TPH1: variants seen among roughly 807,000 people sequenced by gnomAD.
TPH1 encodes the protein tryptophan 5-hydroxylase 1.
A neutral mutation model predicts 49.5 loss-of-function variants in TPH1; 37 were observed. The ratio of observed to expected loss-of-function variants is 0.75; its 90% confidence interval spans 0.58 to 0.98. The LOEUF (loss-of-function observed/expected upper bound fraction) is 0.98. Ranked by LOEUF, TPH1 falls within the 50% of genes least tolerant of loss-of-function variation. TPH1 has a pLI of 0.00. For missense variants in TPH1, 487 were observed against 523.6 expected (o/e 0.93, Z 0.68); for synonymous variants, 160 against 182.1 (o/e 0.88, Z 0.98).
In TPH1 at chr11:18,033,317, T is replaced by C; in HGVS notation, c.359A>G (p.Asn120Ser). ...TTCAGATCCATACATCAGAACTCTG[T>C]TGGCACAATGGTCCAGGTCAGAAAT... ...KKISDLDHCANRVLMYGSELD... is the reference protein window; with the variant it reads ...KKISDLDHCASRVLMYGSELD... The change falls in exon 4 of 11, where the codon AAC becomes AGC. Residue 120 changes from asparagine to serine, a missense_variant. Coordinates refer to ENST00000682019, the MANE Select transcript of TPH1 (RefSeq NM_004179.3). 1.9e-6 allele frequency: 3 copies of C among 1,614,104 alleles called. No homozygotes were observed. Among genetic ancestry groups the C allele is most frequent in the South Asian group, 1.1e-5 (1 of 91,080 alleles).
chr11:18,033,111 G>A (rs1450060852), intron 4 of TPH1, among the ~76,000 whole-genome samples, 163 bp downstream of exon 4: 1 of 152,070 alleles, frequency 6.6e-6, no homozygotes, highest in Non-Finnish European at 1.5e-5. Flanking sequence ...AAATTAGCTG[G>A]GTGTGGTTGT....
At chr11:18,039,397 T>C (rs990092691) in intron 2 of TPH1, among the ~76,000 whole-genome samples, 7 of 152,204 alleles carry the variant, frequency 4.6e-5, no homozygotes, top group African/African-American at 1.7e-4. Flanking sequence ...ATCACCCAGG[T>C]AATAACTGAC....
At chr11:18,037,055 A>G (rs1848053908) in intron 2 of TPH1, among the ~76,000 whole-genome samples, 1 of 152,078 alleles carries the variant, frequency 6.6e-6, no homozygotes, top group African/African-American at 2.4e-5. Context: ...ACTTAAATGA[A>G]TCTTAAAGAA....
intron 3 of TPH1, among the ~76,000 whole-genome samples, chr11:18,035,045 C>T (rs1049960880): frequency 1.3e-5 from 2 of 152,242 alleles, no homozygotes; most frequent in African/African-American, 2.4e-5. Flanking sequence ...ATAGGGTTTA[C>T]GCTCCTAGAC....
At position 18,026,392 on chromosome 11, in the gene TPH1, CCA is replaced by C. The variant is rs1491537313; in HGVS notation, c.803+96_803+97del. The C allele has an allele frequency of 1.1e-4, 100 of 914,798 alleles. No individual in the cohort carries two copies. In the East Asian group the frequency reaches 2.6e-3, roughly 23 times the overall value. The allele number at this position is 914,798 out of a possible 1,614,324, so 56.7% of individuals were successfully genotyped here. ...TGCTAATTTATTTAATCCTCGCACA[CCA>C]AAAAAAAAAAAAAAAAAAAAAAAGA... On this transcript the variant is annotated intron_variant, in intron 7 of 10. Transcript: ENST00000682019.
At chr11:18,026,753 G>A (rs1328488741) in intron 6 of TPH1, 128 bp from the exon 7 acceptor site, 4 of 1,132,182 alleles carry the variant, frequency 3.5e-6, no homozygotes, top group Non-Finnish European at 5.2e-6. Context: ...TTTATCATAT[G>A]CATATTAAGG....
Position 18,029,282 on chromosome 11 carries a change from G to C in TPH1, c.550C>G (p.Leu184Val). 6.2e-7 allele frequency: 1 copy of C among 1,614,068 alleles called. No homozygotes were observed. The highest frequency in any genetic ancestry group is 2.2e-5 in the East Asian group (1 of 44,860). ...TCTCTGCAAGCATGGGTTGGGTAGA[G>C]TTTGTTGAGCTCTTGGAATACGGTT... is the stretch of plus-strand genomic sequence containing the variant. Reference protein sequence around the residue: ...WGTVFQELNKLYPTHACREYL... With the variant: ...WGTVFQELNKVYPTHACREYL... The change falls in exon 6 of 11, where the codon CTC becomes GTC. Residue 184 changes from leucine to valine, a missense_variant. By Grantham distance (32) the Leu-to-Val change is conservative. Transcript: ENST00000682019.
chr11:18,025,674 A>G lies in TPH1; in HGVS notation c.831T>C (p.His277=). 1 of 1,614,042 alleles carries G rather than the reference A, an allele frequency of 6.2e-7. No individual in the cohort carries two copies. Among genetic ancestry groups the G allele is most frequent in the Admixed American group, 1.7e-5 (1 of 60,018 alleles). ...AACTAGGTTCAGCCAAAAGCGGGACATGACCTAAGAGTTCATGGCAGGTAT... is the reference window on the plus strand; with the variant it reads ...AACTAGGTTCAGCCAAAAGCGGGACGTGACCTAAGAGTTCATGGCAGGTAT... ...EPDTCHELLG[H]VPLLAEPSFA... is the part of the protein sequence containing the mutation. The change falls in exon 8 of 11, where the codon CAT becomes CAC. Residue 277 remains histidine, a synonymous_variant. Transcript: ENST00000682019.
chr11:18,031,035 A>T (rs557865878), intron 4 of TPH1, among the ~76,000 whole-genome samples: 2 of 152,310 alleles, frequency 1.3e-5, no homozygotes, highest in South Asian at 2.1e-4. Context: ...TCACAGAGTT[A>T]AACAACCATC....
rs1206186802 is a variant in TPH1, at chr11:18,040,074, T to A, written c.117+572A>T. Among the ~76,000 whole-genome samples, 7 of 150,398 alleles carry A rather than the reference T, an allele frequency of 4.7e-5. No individual in the cohort carries two copies. The South Asian group carries it at 1.5e-3, about 31-fold the overall frequency. On this transcript the variant is annotated intron_variant, in intron 2 of 10. Coordinates refer to ENST00000682019, the MANE Select transcript of TPH1 (RefSeq NM_004179.3). Reference sequence around the variant, plus strand: ...TGACTATATCATTAAATCTCAAGTATATAATTAATAATATATGATTATATA... The same window carrying A: ...TGACTATATCATTAAATCTCAAGTAAATAATTAATAATATATGATTATATA...
At chr11:18,038,080 A>T (rs1310852604) in intron 2 of TPH1, among the ~76,000 whole-genome samples, 1 of 152,356 alleles carries the variant, frequency 6.6e-6, no homozygotes, top group East Asian at 1.9e-4. Context: ...AGACGAGTGG[A>T]AAAGAAGTTG....
intron 2 of TPH1, among the ~76,000 whole-genome samples, chr11:18,039,154 A>T (rs1848074768): frequency 6.6e-6 from 1 of 152,208 alleles, no homozygotes. Context: ...GACTATCTAT[A>T]TTTAAGATTT....
At position 18,046,131 on chromosome 11, in the gene TPH1, C is replaced by G. The variant is rs1162790417; in HGVS notation, c.-27+110G>C. ...CCTCCCAAATCTGACTCCGCAAGAC[C>G]ACCAATTTACCTCCCGGGAGGGTGA... is the stretch of plus-strand genomic sequence containing the variant. On this transcript the variant is annotated intron_variant, in intron 1 of 10. Coordinates refer to ENST00000682019, the MANE Select transcript of TPH1 (RefSeq NM_004179.3). Among the ~76,000 whole-genome samples, 3 of 152,302 alleles carry G rather than the reference C, an allele frequency of 2.0e-5. No individual in the cohort carries two copies. The East Asian group carries it at 5.8e-4, about 30-fold the overall frequency.
chr11:18,040,193 G>A (rs1004249174), intron 2 of TPH1, among the ~76,000 whole-genome samples: 3 of 148,586 alleles, frequency 2.0e-5, no homozygotes, highest in Non-Finnish European at 4.5e-5. Flanking sequence ...TCTCGAAGTA[G>A]CTATTTGTAT....
intron 4 of TPH1, among the ~76,000 whole-genome samples, chr11:18,032,386 T>C (rs1847998780): frequency 6.6e-6 from 1 of 152,140 alleles, no homozygotes; most frequent in African/African-American, 2.4e-5. Flanking sequence ...TTGCAGATGC[T>C]GTCTTCGTTT....
chr11:18,026,622 C>G lies in TPH1; in HGVS notation c.671G>C (p.Arg224Pro). The G allele has an allele frequency of 1.2e-6, 2 of 1,613,974 alleles. No homozygotes were observed. The highest frequency in any genetic ancestry group is 1.7e-6 in the Non-Finnish European group (2 of 1,179,948). ...LEDVSNFLKE[R>P]TGFSIRPVAG... Reference sequence around the variant, plus strand: ...CACAGGACGGATGGAAAAACCTGTACGCTCTGCAAAGCAAAGGAGAAAACA... The same window carrying G: ...CACAGGACGGATGGAAAAACCTGTAGGCTCTGCAAAGCAAAGGAGAAAACA... Residue 224 changes from arginine to proline, a missense_variant, in exon 7 of 11, where the codon CGT (arginine) becomes CCT (proline). Coordinates refer to ENST00000682019, the MANE Select transcript of TPH1 (RefSeq NM_004179.3).
At chr11:18,033,233 G>T in intron 4 of TPH1, 41 bp downstream of exon 4, 1 of 1,468,402 alleles carries the variant, frequency 6.8e-7, no homozygotes, top group Non-Finnish European at 9.5e-7. Context: ...AGTCTGGACA[G>T]CAGAGCAAGA....
intron 3 of TPH1, among the ~76,000 whole-genome samples, chr11:18,035,403 TTTTC>T (rs10655479): frequency 1.5e-4 from 20 of 136,240 alleles, no homozygotes; most frequent in Non-Finnish European, 1.6e-4. Context: ...TTTCTTTCTT[TTTTC>T]TTTCTTTCTT....
intron 9 of TPH1, 37 bp from the exon 10 acceptor site, chr11:18,022,968 T>C (rs1357639086): frequency 1.9e-6 from 3 of 1,609,554 alleles, no homozygotes; most frequent in Non-Finnish European, 2.5e-6. Flanking sequence ...AAGAATAATA[T>C]CTATTTTTCA....
Sources: allele counts gnomAD v4.1 joint callset (sites outside exome capture counted in the v4.1 genomes callset), GRCh38; gene constraint gnomAD v4.1.1; transcripts MANE v1.5; gene names NCBI Gene and HGNC (gene_info 2026-07-23, HGNC 2026-07-21).